Variants in PHLDB2 observed in about 807,000 individuals in gnomAD.
The protein encoded by PHLDB2 is pleckstrin homology-like domain family B member 2.
PHLDB2 carries 71 observed loss-of-function variants against 123.6 expected under a neutral mutation model. The observed-to-expected ratio is 0.57, with a 90% confidence interval of 0.47 to 0.70. The LOEUF is 0.70. Among genes scored for constraint, PHLDB2 ranks in the 30% least tolerant of loss-of-function variants. PHLDB2 has a pLI of 0.00. For missense variants in PHLDB2, 1,446 were observed against 1,519.5 expected, an observed-to-expected ratio of 0.95 and a Z score of 0.80; for synonymous variants, 547 against 541.6, an observed-to-expected ratio of 1.01 and a Z score of -0.14.
chr3:111,896,359 C>G (rs201645051), intron 2 of PHLDB2, among the ~76,000 whole-genome samples: 1 of 26,892 alleles, frequency 3.7e-5, no homozygotes, highest in Admixed American at 5.9e-4. Flanking sequence ...TCTTCCCCCG[C>G]CCCGAGACGG....
intron 2 of PHLDB2, among the ~76,000 whole-genome samples, chr3:111,903,499 A>T (rs2107458150): frequency 6.6e-6 from 1 of 152,286 alleles, no homozygotes; most frequent in Middle Eastern, 3.4e-3. Flanking sequence ...GTGTCCTTCT[A>T]GATAGCCAAA....
At chr3:111,803,982 T>C (rs9817777) in intron 1 of PHLDB2, among the ~76,000 whole-genome samples, 53,696 of 151,962 alleles carry the variant, frequency 0.35, 9,790 homozygotes, top group East Asian at 0.49. Flanking sequence ...GATTAGTCCC[T>C]TTAAACTCTT....
chr3:111,913,364 A>T lies in PHLDB2; in HGVS notation c.1381A>T (p.Thr461Ser), dbSNP rs1378360447. The change falls in exon 3 of 18, where the codon ACA (threonine) becomes TCA (serine). Residue 461 changes from threonine to serine, a missense_variant. Thr to Ser is a moderately conservative substitution (Grantham distance 58). Around this residue, in one of 3 missense-constraint regions of PHLDB2, gnomAD observed 832 missense variants for 831.9 expected, o/e 1.00. Coordinates refer to ENST00000431670, the MANE Select transcript of PHLDB2 (RefSeq NM_001134438.2). ...ETILSLCAEYTKPDSRLSTGT... is the reference protein window; with the variant it reads ...ETILSLCAEYSKPDSRLSTGT... ...CATCCTCAGTCTCTGTGCTGAATAC[A>T]CAAAGCCTGACAGTCGCTTATCTAC... The T allele has an allele frequency of 6.2e-7, 1 of 1,612,990 alleles. No individual in the cohort carries two copies. Among genetic ancestry groups the T allele is most frequent in the Non-Finnish European group, 8.5e-7 (1 of 1,179,386 alleles).
At chr3:111,805,955 T>C (rs913746861) in intron 1 of PHLDB2, among the ~76,000 whole-genome samples, 1 of 151,624 alleles carries the variant, frequency 6.6e-6, no homozygotes, top group Non-Finnish European at 1.5e-5. Flanking sequence ...TATATGAAAT[T>C]TCTAGAAAAG....
intron 1 of PHLDB2, among the ~76,000 whole-genome samples, chr3:111,806,528 A>T (rs1185303038): frequency 1.4e-5 from 2 of 146,770 alleles, no homozygotes; most frequent in Non-Finnish European, 3.0e-5. Context: ...TCTGTCACCC[A>T]GGCTGGAGTG....
chr3:111,910,312 C>G (rs1413487201), intron 2 of PHLDB2, among the ~76,000 whole-genome samples: 1 of 152,068 alleles, frequency 6.6e-6, no homozygotes, highest in Non-Finnish European at 1.5e-5. Flanking sequence ...TAATTTTATT[C>G]AAGATGACCT....
intron 1 of PHLDB2, among the ~76,000 whole-genome samples, chr3:111,790,667 C>A (rs923829940): frequency 6.6e-6 from 1 of 152,102 alleles, no homozygotes; most frequent in African/African-American, 2.4e-5. Flanking sequence ...AGGGAAGCTG[C>A]CTCTTTAGGA....
chr3:111,826,399 G>A (rs2062654594), intron 1 of PHLDB2, among the ~76,000 whole-genome samples: 1 of 152,170 alleles, frequency 6.6e-6, no homozygotes, highest in Non-Finnish European at 1.5e-5. Context: ...GGTATTTGCT[G>A]GGGGATTTCC....
chr3:111,856,164 T>C (rs2064498207), upstream of PHLDB2, among the ~76,000 whole-genome samples: 1 of 152,212 alleles, frequency 6.6e-6, no homozygotes, highest in African/African-American at 2.4e-5. Flanking sequence ...CTTTGCCTTC[T>C]AGGAGCTTGG....
At chr3:111,766,532 A>G (rs533726992) in intron 1 of PHLDB2, among the ~76,000 whole-genome samples, 1 of 152,286 alleles carries the variant, frequency 6.6e-6, no homozygotes, top group African/African-American at 2.4e-5. Context: ...ATGTAATTTC[A>G]TAGGGTTTTC....
At chr3:111,746,935 T>C (rs1559809406) in intron 1 of PHLDB2, among the ~76,000 whole-genome samples, 1 of 152,212 alleles carries the variant, frequency 6.6e-6, no homozygotes, top group Non-Finnish European at 1.5e-5. Context: ...CACCATATGA[T>C]GCTAGAAGAT....
rs545184498 is a variant in PHLDB2, at chr3:111,743,674, G to A, written c.-49+10971G>A. Among the ~76,000 whole-genome samples the A allele has an allele frequency of 2.8e-4, 43 of 152,314 alleles. No individual in the cohort carries two copies. In the South Asian group the frequency reaches 8.3e-3, roughly 29 times the overall value. On this transcript the variant is annotated intron_variant, in intron 1 of 17. Coordinates refer to the PHLDB2 transcript ENST00000393923. The stretch of plus-strand genomic sequence containing the variant: ...ATCCAACTCTCCAATACTACACATT[G>A]TAAGCAGAATATAAGTCAGAAGGGT...
Position 111,885,119 on chromosome 3 carries a change from TCCTGTG to T in PHLDB2, c.1046_1051del (p.Cys349_Ala350del), listed in dbSNP as rs562210962. 4.9e-3 allele frequency: 7,914 copies of T among 1,614,076 alleles called. 106 individuals carry two copies. The highest frequency in any genetic ancestry group is 0.036 in the South Asian group (3,254 of 91,076). On this transcript the variant is annotated inframe_deletion, in exon 2 of 18. Transcript: ENST00000431670. ...GAAGATGCTTCTGGCCTCCACCTCC[TCCTGTG>T]CCTCTGATGACTTTGATCAGGCTTC...
intron 5 of PHLDB2, among the ~76,000 whole-genome samples, chr3:111,920,980 C>T (rs1159362038): frequency 5.3e-5 from 8 of 152,206 alleles, no homozygotes; most frequent in Non-Finnish European, 1.2e-4. Flanking sequence ...TGGGGTAGTC[C>T]TCACACACTG....
intron 1 of PHLDB2, among the ~76,000 whole-genome samples, chr3:111,740,554 A>G (rs2059585389): frequency 6.6e-6 from 1 of 152,172 alleles, no homozygotes; most frequent in African/African-American, 2.4e-5. Flanking sequence ...TTTCTACTCT[A>G]TTCCTAATAT....
At chr3:111,736,129 ACACACATG>A (rs1350544447) in intron 1 of PHLDB2, among the ~76,000 whole-genome samples, 2 of 152,162 alleles carry the variant, frequency 1.3e-5, no homozygotes, top group South Asian at 2.1e-4. Flanking sequence ...GAACCACAAA[ACACACATG>A]CACACATGCA....
At chr3:111,859,709 C>A (rs1365807764) in intron 1 of PHLDB2, 133 bp downstream of exon 1, 4 of 984,856 alleles carry the variant, frequency 4.1e-6, no homozygotes, top group African/African-American at 1.8e-5. Context: ...GGGTTGGGGG[C>A]GGAGAGGAGG....
chr3:111,761,888 C>A (rs1432361593), intron 1 of PHLDB2, among the ~76,000 whole-genome samples: 3 of 151,950 alleles, frequency 2.0e-5, no homozygotes, highest in Non-Finnish European at 2.9e-5. Flanking sequence ...AAAAAGCATA[C>A]AAATTTATTT....
At chr3:111,733,586 A>G (rs951239600) in intron 1 of PHLDB2, among the ~76,000 whole-genome samples, 1 of 152,224 alleles carries the variant, frequency 6.6e-6, no homozygotes. Context: ...GTGGCTTTGG[A>G]GGGAGCTTCC....
Sources: allele counts gnomAD v4.1 joint callset (sites outside exome capture counted in the v4.1 genomes callset), GRCh38; gene constraint gnomAD v4.1.1; regional missense constraint gnomAD v4.1.1; transcripts MANE v1.5; gene names NCBI Gene and HGNC (gene_info 2026-07-23, HGNC 2026-07-21).